The following LRMDA variants were observed in gnomAD, a reference collection of about 807,000 sequenced individuals.
LRMDA encodes the protein leucine rich melanocyte differentiation associated.
Under a neutral mutation model 29.8 loss-of-function variants are expected in LRMDA, and 18 were observed. The observed-to-expected ratio is 0.60, with a 90% CI of 0.42 to 0.90. LRMDA has a LOEUF of 0.90. LRMDA is among the 40% of genes least tolerant of loss of function. LRMDA has a pLI of 0.00. For missense variants in LRMDA, 273 were observed against 273.9 expected (o/e 1.00, Z 0.02); for synonymous variants, 125 against 109.4 (o/e 1.14, Z -0.89).
At chr10:76,482,329 C>T (rs1306505994) in intron 6 of LRMDA, among the ~76,000 whole-genome samples, 2 of 151,898 alleles carry the variant, frequency 1.3e-5, no homozygotes, top group Non-Finnish European at 2.9e-5. Flanking sequence ...ACTTAAATCC[C>T]CCTTTTACCC....
chr10:75,747,865 A>T (rs1231838071), intron 2 of LRMDA, among the ~76,000 whole-genome samples: 1 of 152,190 alleles, frequency 6.6e-6, no homozygotes, highest in Middle Eastern at 3.2e-3. Context: ...ATTGATTTTT[A>T]AAAATTAAAT....
intron 2 of LRMDA, among the ~76,000 whole-genome samples, chr10:75,797,160 A>G (rs1266911822): frequency 6.6e-6 from 1 of 152,132 alleles, no homozygotes; most frequent in African/African-American, 2.4e-5. Flanking sequence ...ATATAGGGTG[A>G]CTGAAATTTT....
chr10:75,745,630 G>A (rs983836990), intron 2 of LRMDA, among the ~76,000 whole-genome samples: 5 of 152,092 alleles, frequency 3.3e-5, no homozygotes, highest in Non-Finnish European at 5.9e-5. Flanking sequence ...GACACCATTT[G>A]TCAAATTTAA....
At chr10:75,908,700 T>A (rs1044923220) in intron 2 of LRMDA, among the ~76,000 whole-genome samples, 2 of 152,194 alleles carry the variant, frequency 1.3e-5, no homozygotes, top group African/African-American at 4.8e-5. Flanking sequence ...TGGGACTACA[T>A]CTTCCACCTC....
chr10:76,442,073 C>T (rs796223031), intron 6 of LRMDA, among the ~76,000 whole-genome samples: 6 of 152,256 alleles, frequency 3.9e-5, no homozygotes, highest in African/African-American at 1.4e-4. Context: ...TTTAATTGCT[C>T]TGATGAAAAC....
At chr10:75,921,756 G>T (rs1465107723) in intron 2 of LRMDA, among the ~76,000 whole-genome samples, 1 of 152,172 alleles carries the variant, frequency 6.6e-6, no homozygotes, top group Non-Finnish European at 1.5e-5. Context: ...CCAACCTGAA[G>T]CATTCTTTAT....
chr10:75,589,920 T>G (rs907718358), intron 2 of LRMDA, among the ~76,000 whole-genome samples: 2 of 152,050 alleles, frequency 1.3e-5, no homozygotes, highest in African/African-American at 2.4e-5. Context: ...CTTGTTCACA[T>G]TTTTGGGTTC....
chr10:76,153,849 T>C (rs1850491128), intron 5 of LRMDA, among the ~76,000 whole-genome samples: 1 of 152,186 alleles, frequency 6.6e-6, no homozygotes, highest in Admixed American at 6.5e-5. Flanking sequence ...CTATTGCTAG[T>C]CCTGTTCAGC....
chr10:76,310,447 A>G (rs1031872143), intron 5 of LRMDA, among the ~76,000 whole-genome samples: 1 of 142,546 alleles, frequency 7.0e-6, no homozygotes, highest in African/African-American at 2.9e-5. Context: ...GGGCCTTTAC[A>G]TGACTCTTCT....
At chr10:75,786,585 G>A (rs761250540) in intron 2 of LRMDA, among the ~76,000 whole-genome samples, 4 of 152,014 alleles carry the variant, frequency 2.6e-5, no homozygotes, top group African/African-American at 9.6e-5. Flanking sequence ...TGATTCAAAT[G>A]GTATCTATTC....
intron 2 of LRMDA, among the ~76,000 whole-genome samples, chr10:75,927,802 T>A (rs1026968752): frequency 6.6e-6 from 1 of 152,204 alleles, no homozygotes; most frequent in Admixed American, 6.5e-5. Flanking sequence ...GCAGGTCTAA[T>A]GTACTGGTTA....
chr10:75,643,559 G>T (rs1236323563), intron 2 of LRMDA, among the ~76,000 whole-genome samples: 1 of 152,156 alleles, frequency 6.6e-6, no homozygotes, highest in East Asian at 1.9e-4. Flanking sequence ...CTCCAGATAA[G>T]GAAATGGCAA....
intron 6 of LRMDA, among the ~76,000 whole-genome samples, chr10:76,328,539 C>A (rs1234264129): frequency 6.6e-6 from 1 of 152,126 alleles, no homozygotes; most frequent in Admixed American, 6.5e-5. Context: ...CTCAGGTCCC[C>A]CTGACCTTTG....
intron 5 of LRMDA, among the ~76,000 whole-genome samples, chr10:76,176,253 G>A (rs73286908): frequency 0.018 from 2,796 of 152,206 alleles, 89 homozygotes; most frequent in African/African-American, 0.061. Flanking sequence ...GGCATCCGGC[G>A]TCTATCAAAA....
At chr10:76,412,123 C>CT (rs1332266542) in intron 6 of LRMDA, among the ~76,000 whole-genome samples, 1 of 152,142 alleles carries the variant, frequency 6.6e-6, no homozygotes, top group Non-Finnish European at 1.5e-5. Context: ...CAGCTGGAGG[C>CT]TTGGAATTAA....
chr10:75,518,648 C>A (rs906341451), intron 2 of LRMDA, among the ~76,000 whole-genome samples: 14 of 152,104 alleles, frequency 9.2e-5, no homozygotes, highest in African/African-American at 1.2e-4. Context: ...TTTCAAAAAA[C>A]CAGCTCTTAG....
chr10:75,868,257 C>G (rs1376164688), intron 2 of LRMDA, among the ~76,000 whole-genome samples: 1 of 152,170 alleles, frequency 6.6e-6, no homozygotes, highest in Non-Finnish European at 1.5e-5. Context: ...CAATGCTGGG[C>G]TCTGAGGCAG....
intron 2 of LRMDA, among the ~76,000 whole-genome samples, chr10:75,473,369 G>A (rs1437108916): frequency 1.3e-5 from 2 of 152,208 alleles, no homozygotes; most frequent in African/African-American, 4.8e-5. Flanking sequence ...AAGGAATATA[G>A]AGATGGGTAC....
chr10:76,101,247 T>C (rs1849389898), intron 5 of LRMDA, among the ~76,000 whole-genome samples: 1 of 152,262 alleles, frequency 6.6e-6, no homozygotes, highest in South Asian at 2.1e-4. Context: ...AGTGCTAGTC[T>C]GTACCTTTAT....
Sources: allele counts gnomAD v4.1 joint callset (sites outside exome capture counted in the v4.1 genomes callset), GRCh38; gene constraint gnomAD v4.1.1; transcripts MANE v1.5; gene names NCBI Gene and HGNC (gene_info 2026-07-23, HGNC 2026-07-21).